BCAS1: variants seen among roughly 807,000 people sequenced by gnomAD.
The protein encoded by BCAS1 is brain enriched myelin associated protein 1.
BCAS1 carries 46 observed loss-of-function variants against 65.4 expected under a neutral mutation model. The observed-to-expected ratio is 0.70, with a 90% CI of 0.55 to 0.90. The LOEUF is 0.90. Ranked by LOEUF, BCAS1 falls within the 40% of genes least tolerant of loss-of-function variation. BCAS1 has a pLI of 0.00. For synonymous variants in BCAS1, 298 were observed against 293.5 expected (o/e 1.02, Z -0.16); for missense variants, 793 against 771.2 (o/e 1.03, Z -0.33).
chr20:54,031,811 G>GT (rs1391586217), intron 3 of BCAS1, among the ~76,000 whole-genome samples: 1 of 151,090 alleles, frequency 6.6e-6, no homozygotes, highest in Non-Finnish European at 1.5e-5. Context: ...GTCAGTCCCT[G>GT]TTTCACTTGT....
intron 7 of BCAS1, among the ~76,000 whole-genome samples, chr20:53,989,098 C>T (rs1222526928): frequency 1.3e-5 from 2 of 152,086 alleles, no homozygotes; most frequent in African/African-American, 4.8e-5. Flanking sequence ...AATTACAGTG[C>T]ATTAACAGGT....
At chr20:54,037,568 G>T (rs2091920375) in intron 3 of BCAS1, among the ~76,000 whole-genome samples, 1 of 151,426 alleles carries the variant, frequency 6.6e-6, no homozygotes, top group Non-Finnish European at 1.5e-5. Context: ...TATGACATTT[G>T]TTTATTTATT....
intron 9 of BCAS1, among the ~76,000 whole-genome samples, chr20:53,968,315 C>T (rs576589291): frequency 6.6e-6 from 1 of 152,324 alleles, no homozygotes; most frequent in Non-Finnish European, 1.5e-5. Context: ...ACCATAGAGT[C>T]AAAGGCATCT....
intron 4 of BCAS1, among the ~76,000 whole-genome samples, chr20:54,025,734 C>T (rs977498140): frequency 1.3e-5 from 2 of 152,164 alleles, no homozygotes; most frequent in African/African-American, 2.4e-5. Flanking sequence ...AATACACTGA[C>T]ATCCAGCCAT....
rs1273519059 is a variant in BCAS1, at chr20:54,065,156, C to CTATCTATCTATG, written c.-6+5276_-6+5277insCATAGATAGATA. 2.9e-5 allele frequency among the ~76,000 whole-genome samples: 4 copies of CTATCTATCTATG among 136,290 alleles called. No homozygotes were observed. The East Asian group carries it at 1.0e-3, about 35-fold the overall frequency. 89.4% of individuals were successfully genotyped at this position (136,290 alleles called of 152,430 possible). A position where few individuals can be genotyped will look rare whatever the true frequency, so the allele number is the denominator to read the frequency against. ...TCTATCTATCTATCTATCTATCTAT[C>CTATCTATCTATG]TATCTATCATCTACTTTATCTATCT... On this transcript the variant is annotated intron_variant, in intron 1 of 12. Transcript: ENST00000688948.
At chr20:53,951,221 C>CCAGCACTTTT (rs2089511720) in intron 12 of BCAS1, among the ~76,000 whole-genome samples, 2 of 152,288 alleles carry the variant, frequency 1.3e-5, no homozygotes, top group South Asian at 4.1e-4. Context: ...GCCTGTAATC[C>CCAGCACTTTT]CAGCACTTTG....
chr20:53,951,210 T>C (rs1034174820), intron 12 of BCAS1, among the ~76,000 whole-genome samples: 2 of 152,204 alleles, frequency 1.3e-5, no homozygotes, highest in East Asian at 1.9e-4. Flanking sequence ...TGGTGGCTCA[T>C]GCCTGTAATC....
chr20:54,062,889 T>G (rs1404796790), intron 1 of BCAS1, among the ~76,000 whole-genome samples: 1 of 152,220 alleles, frequency 6.6e-6, no homozygotes, highest in Non-Finnish European at 1.5e-5. Flanking sequence ...ATCAACCTTT[T>G]AAAGAACAGG....
chr20:53,996,289 A>G (rs1242499700), intron 4 of BCAS1, among the ~76,000 whole-genome samples: 2 of 152,210 alleles, frequency 1.3e-5, no homozygotes, highest in African/African-American at 4.8e-5. Flanking sequence ...AAGGGTAACA[A>G]ACACAGCAGT....
chr20:54,067,451 C>T (rs572967124), intron 1 of BCAS1, among the ~76,000 whole-genome samples: 20 of 152,298 alleles, frequency 1.3e-4, no homozygotes, highest in South Asian at 2.1e-4. Context: ...AAGGATTTAG[C>T]GCCAGGGCTT....
intron 12 of BCAS1, among the ~76,000 whole-genome samples, chr20:53,950,475 C>T (rs756505730): frequency 2.0e-5 from 3 of 151,834 alleles, no homozygotes; most frequent in Non-Finnish European, 4.4e-5. Context: ...AGCACACACC[C>T]CCCCATCCAT....
At chr20:54,054,868 C>CAT (rs1294803822) in intron 3 of BCAS1, among the ~76,000 whole-genome samples, 3 of 152,124 alleles carry the variant, frequency 2.0e-5, no homozygotes, top group African/African-American at 7.2e-5. Context: ...AATATACATA[C>CAT]ATATATATGA....
intron 4 of BCAS1, among the ~76,000 whole-genome samples, chr20:53,999,826 G>A (rs1329768228): frequency 2.0e-5 from 3 of 152,052 alleles, no homozygotes; most frequent in Non-Finnish European, 4.4e-5. Context: ...TGTCTCCCTG[G>A]CTCAAGCCAT....
chr20:53,986,618 C>A (rs544241112), intron 7 of BCAS1, among the ~76,000 whole-genome samples: 2 of 152,008 alleles, frequency 1.3e-5, no homozygotes, highest in African/African-American at 4.8e-5. Flanking sequence ...GGGTATGGGC[C>A]GGGTGTGGTG....
chr20:53,957,479 C>T lies in BCAS1; in HGVS notation c.1504G>A (p.Gly502Arg), dbSNP rs1428023984. ...LRQMSVKGDG[G>R]ITHSEEINGK... ...TTTATTTCTTCTGAGTGGGTGATCC[C>T]TCCATCCCCTTTCACTGACTAAAAT... The change falls in exon 11 of 13, where the codon GGG (glycine) becomes AGG (arginine). Residue 502 changes from glycine (G) to arginine (R), a missense_variant. Gly to Arg is a moderately radical substitution (Grantham distance 125). Coordinates refer to ENST00000688948, the MANE Select transcript of BCAS1 (RefSeq NM_001366298.2). 1 of 1,614,108 alleles carries T rather than the reference C, an allele frequency of 6.2e-7. No homozygotes were observed.
chr20:53,973,800 A>AGAAG (rs1268706282), intron 9 of BCAS1, among the ~76,000 whole-genome samples: 7 of 152,282 alleles, frequency 4.6e-5, no homozygotes, highest in Admixed American at 6.5e-5. Context: ...AAGAAAGAAA[A>AGAAG]GAAGGAAGGA....
At position 54,022,630 on chromosome 20, in the gene BCAS1, C is replaced by T. The variant is rs575911012; in HGVS notation, c.723+5762G>A. ...CCACTAATTAGCTTTGCGACCTTAA[C>T]GCAGGTAACTTAAGTTCTCCCCAAG... On this transcript the variant is annotated intron_variant, in intron 4 of 12. Coordinates refer to ENST00000688948, the MANE Select transcript of BCAS1 (RefSeq NM_001366298.2). Among the ~76,000 whole-genome samples the T allele has an allele frequency of 1.1e-4, 16 of 152,232 alleles. No individual in the cohort carries two copies. In the East Asian group the frequency reaches 2.1e-3, roughly 20 times the overall value.
intron 12 of BCAS1, 61 bp from the exon 13 acceptor site, chr20:53,945,057 T>C: frequency 7.3e-7 from 1 of 1,364,446 alleles, no homozygotes; most frequent in Admixed American, 1.7e-5. Context: ...ACAGCAACAA[T>C]GGCCATTTAT....
intron 4 of BCAS1, among the ~76,000 whole-genome samples, chr20:54,010,255 T>C (rs1341873154): frequency 6.6e-6 from 1 of 152,078 alleles, no homozygotes; most frequent in African/African-American, 2.4e-5. Flanking sequence ...AAAATAAATA[T>C]AGGGAATACA....
Sources: gnomAD v4.1 joint callset for allele counts (sites outside exome capture counted in the v4.1 genomes callset) on GRCh38, gnomAD v4.1.1 for gene constraint, MANE v1.5 for transcripts, NCBI Gene and HGNC (gene_info 2026-07-23, HGNC 2026-07-21) for gene names.